SERHL2: variants seen among roughly 807,000 people sequenced by gnomAD.
SERHL2 encodes serine hydrolase-like protein 2.
In SERHL2, 29 loss-of-function variants were observed where a neutral mutation model predicts 25.5. The observed-to-expected ratio is 1.14, with a 90% CI of 0.85 to 1.55. The LOEUF is 1.55. Among genes scored for constraint, SERHL2 ranks in the 40% most tolerant of loss-of-function variants. The pLI is 0.00. For missense variants in SERHL2, 240 were observed against 252.3 expected (o/e 0.95, Z 0.33); for synonymous variants, 95 against 103.5 (o/e 0.92, Z 0.50).
chr22:42,568,502 GTC>G (rs1485234910), intron 9 of SERHL2, among the ~76,000 whole-genome samples: 11 of 151,912 alleles, frequency 7.2e-5, no homozygotes, highest in Admixed American at 7.2e-4. Flanking sequence ...TAGGGACCAT[GTC>G]TTATGTGACC....
At chr22:42,572,294 G>A in intron 10 of SERHL2, 142 bp from the exon 11 acceptor site, 1 of 584,190 alleles carries the variant, frequency 1.7e-6, no homozygotes, top group South Asian at 2.2e-5. Context: ...TCCAACCCAG[G>A]GTCAAGGGAC....
At chr22:42,560,115 C>T (rs1922497796) in intron 7 of SERHL2, 71 bp from the exon 8 acceptor site, 1 of 1,184,724 alleles carries the variant, frequency 8.4e-7, no homozygotes, top group Non-Finnish European at 1.3e-6. Context: ...CCCCCCGGCC[C>T]TCCTCTCCTT....
chr22:42,569,000 A>C (rs1336373876), intron 9 of SERHL2: 1 of 151,536 alleles, frequency 6.6e-6, no homozygotes, highest in Non-Finnish European at 1.5e-5. Flanking sequence ...TCCTGCCTCA[A>C]CCTCCCAAGT....
At chr22:42,567,345 CT>C (rs898384975) in intron 9 of SERHL2, among the ~76,000 whole-genome samples, 1 of 150,276 alleles carries the variant, frequency 6.7e-6, no homozygotes, top group African/African-American at 2.5e-5. Flanking sequence ...ATTTTCTTTT[CT>C]TTTTTTCTTT....
At chr22:42,570,052 G>C (rs1335996843) in intron 9 of SERHL2, 1 of 152,060 alleles carries the variant, frequency 6.6e-6, no homozygotes, top group African/African-American at 2.4e-5. Flanking sequence ...TGCCCTTGGA[G>C]TCCCCAGATC....
chr22:42,573,370 A>T (rs1387898644), intron 11 of SERHL2: 1 of 151,570 alleles, frequency 6.6e-6, no homozygotes, highest in African/African-American at 2.4e-5. Flanking sequence ...CAGCCTCCCG[A>T]GTAGCTGGGA....
chr22:42,572,559 A>G (rs1428913230), intron 11 of SERHL2, 30 bp downstream of exon 11: 1 of 1,608,846 alleles, frequency 6.2e-7, no homozygotes, highest in East Asian at 2.2e-5. Flanking sequence ...GCTGGTGTCC[A>G]GCCACTGTCG....
chr22:42,572,424 C>A lies in SERHL2; in HGVS notation c.732-12C>A. On this transcript the variant is annotated splice_polypyrimidine_tract_variant and intron_variant, in intron 10 of 11. Transcript: ENST00000327678. ...GATGAACCCCAACAACCCCCAACTCCTCACTTTCCAGAGCAGTCCACGGAT... is the reference window on the plus strand; with the variant it reads ...GATGAACCCCAACAACCCCCAACTCATCACTTTCCAGAGCAGTCCACGGAT... 2 of 1,601,062 alleles carry A rather than the reference C, an allele frequency of 1.2e-6. No homozygotes were observed. The highest frequency in any genetic ancestry group is 1.1e-5 in the South Asian group (1 of 90,416).
chr22:42,572,970 T>C (rs116853686), intron 11 of SERHL2, among the ~76,000 whole-genome samples: 1 of 151,786 alleles, frequency 6.6e-6, no homozygotes, highest in East Asian at 1.9e-4. Flanking sequence ...ATACCCGGCC[T>C]AGTCGCACAT....
Position 42,569,765 on chromosome 22 carries a change from G to A in SERHL2, c.649-1356G>A, listed in dbSNP as rs7364262. On this transcript the variant is annotated intron_variant, in intron 9 of 11. Coordinates refer to ENST00000327678, the MANE Select transcript of SERHL2 (RefSeq NM_014509.5). ...ACTTCAGGTCATTTTAGTCTGAGAA[G>A]CAGAAAATAGCTGGAGGGCCAGGGT... 1.3e-3 allele frequency: 193 copies of A among 151,844 alleles called. 1 individual carries two copies. The highest frequency in any genetic ancestry group is 4.5e-3 in the African/African-American group (185 of 41,424). 9.4% of individuals were successfully genotyped at this position (151,844 alleles called of 1,614,324 possible). A position where few individuals can be genotyped will look rare whatever the true frequency, so the allele number is the denominator to read the frequency against.
At chr22:42,566,451 A>G in intron 9 of SERHL2, 113 bp downstream of exon 9, 1 of 1,010,716 alleles carries the variant, frequency 9.9e-7, no homozygotes, top group South Asian at 1.3e-5. Flanking sequence ...CCAGCTACTC[A>G]GGAGGCTGAG....
At chr22:42,568,571 G>A (rs1923728235) in intron 9 of SERHL2, among the ~76,000 whole-genome samples, 1 of 151,946 alleles carries the variant, frequency 6.6e-6, no homozygotes, top group Admixed American at 6.6e-5. Flanking sequence ...TGGTTCCCAG[G>A]GATGGAAAGA....
intron 8 of SERHL2, among the ~76,000 whole-genome samples, chr22:42,563,206 G>A (rs75273210): frequency 8.9e-5 from 5 of 56,080 alleles, no homozygotes; most frequent in South Asian, 5.9e-4. Flanking sequence ...TTTTTTTTTT[G>A]TTGTTGTTGT....
Position 42,574,000 on chromosome 22 carries a change from C to G in SERHL2, c.890C>G (p.Ala297Gly). 6.2e-7 allele frequency: 1 copy of G among 1,611,044 alleles called. No individual in the cohort carries two copies. Among genetic ancestry groups the G allele is most frequent in the Non-Finnish European group, 8.5e-7 (1 of 1,178,032 alleles). Residue 297 changes from alanine (A) to glycine (G), a missense_variant, in exon 12 of 12, where the codon GCC (alanine) becomes GGC (glycine). By Grantham distance (60) the Ala-to-Gly change is moderately conservative (BLOSUM62 0). Coordinates refer to ENST00000327678, the MANE Select transcript of SERHL2 (RefSeq NM_014509.5). ...CVHMSEPQHV[A>G]SIISSFLQCT... Reference sequence around the variant, plus strand: ...CACATGAGCGAACCCCAGCACGTGGCCAGTATCATCAGCTCCTTCTTACAG... The same window carrying G: ...CACATGAGCGAACCCCAGCACGTGGGCAGTATCATCAGCTCCTTCTTACAG...
At chr22:42,566,554 T>C (rs1334305233) in intron 9 of SERHL2, among the ~76,000 whole-genome samples, 6 of 129,412 alleles carry the variant, frequency 4.6e-5, no homozygotes, top group African/African-American at 1.6e-4. Context: ...AGACTCCATC[T>C]CAAGAAAAAA....
chr22:42,560,150 C>A (rs541526264), intron 7 of SERHL2, 36 bp from the exon 8 acceptor site: 1 of 1,536,246 alleles, frequency 6.5e-7, no homozygotes, highest in Admixed American at 1.7e-5. Flanking sequence ...TTTTTATTGG[C>A]CTCCAGGCAC....
chr22:42,559,842 C>T (rs1049463263), intron 7 of SERHL2, among the ~76,000 whole-genome samples: 2 of 151,966 alleles, frequency 1.3e-5, no homozygotes, highest in African/African-American at 2.4e-5. Context: ...GACCAAATCT[C>T]GCTCTGTTCC....
chr22:42,556,765 C>T lies in SERHL2; in HGVS notation c.423+177C>T, dbSNP rs1922204279. On this transcript the variant is annotated intron_variant, in intron 6 of 11. Coordinates refer to ENST00000327678, the MANE Select transcript of SERHL2 (RefSeq NM_014509.5). ...TGACAGGCTTCTGCTGCTTATACCC[C>T]TAGCAGTGGTCAGGACAAGGGGTGT... 4 of 832,710 alleles carry T rather than the reference C, an allele frequency of 4.8e-6. 1 individual carries two copies. The allele number at this position is 832,710 out of a possible 1,614,324, so 51.6% of individuals were successfully genotyped here. A position where few individuals can be genotyped will look rare whatever the true frequency, so the allele number is the denominator to read the frequency against.
chr22:42,560,235 C>T lies in SERHL2; in HGVS notation c.583C>T (p.Leu195=). 1 of 1,612,934 alleles carries T rather than the reference C, an allele frequency of 6.2e-7. No individual in the cohort carries two copies. Residue 195 remains leucine (L), a synonymous_variant, in exon 8 of 12, where the codon CTG becomes TTG. Coordinates refer to ENST00000327678, the MANE Select transcript of SERHL2 (RefSeq NM_014509.5). ...GAGTGAGGAGTGCGGGGAGCTTCTC[C>T]TGCAAAGAGGAACCACGAAGGTGGC... ...HLSEECGELL[L]QRGTTKVATG...
Sources: gnomAD v4.1 joint callset for allele counts (sites outside exome capture counted in the v4.1 genomes callset) on GRCh38, gnomAD v4.1.1 for gene constraint, MANE v1.5 for transcripts, NCBI Gene and HGNC (gene_info 2026-07-23, HGNC 2026-07-21) for gene names.